IL1RAPL2: variants seen among roughly 807,000 people sequenced by gnomAD.
The protein encoded by IL1RAPL2 is interleukin 1 receptor accessory protein like 2.
A neutral mutation model predicts 44.1 loss-of-function variants in IL1RAPL2; 3 were observed. The observed-to-expected ratio is 0.07, with a 90% CI of 0.03 to 0.18. The LOEUF is 0.18. Among genes scored for constraint, IL1RAPL2 ranks in the 10% least tolerant of loss-of-function variants. IL1RAPL2 has a pLI of 1.00. For missense variants in IL1RAPL2, 391 were observed against 496.4 expected (o/e 0.79, Z 2.02); for synonymous variants, 181 against 178.8 (o/e 1.01, Z -0.10).
intron 6 of IL1RAPL2, among the ~76,000 whole-genome samples, chrX:105,644,290 A>AG: frequency 9.0e-6 from 1 of 111,632 alleles, no homozygotes; most frequent in East Asian, 2.8e-4. Flanking sequence ...GGCATTAGCA[A>AG]GGGGAAAAAG....
intron 2 of IL1RAPL2, among the ~76,000 whole-genome samples, chrX:105,121,923 A>T (rs1033553822): frequency 5.4e-5 from 6 of 110,827 alleles, no homozygotes; most frequent in African/African-American, 2.0e-4. Flanking sequence ...CCATTATCTT[A>T]ATGTTCTTGT....
At chrX:105,115,573 G>A (rs150187177) in intron 2 of IL1RAPL2, among the ~76,000 whole-genome samples, 1,335 of 112,256 alleles carry the variant, frequency 0.012, 49 homozygotes, top group East Asian at 0.12. Flanking sequence ...GCTGATTGGT[G>A]TATTTAAAAA....
At chrX:105,538,960 A>C (rs2147796307) in intron 6 of IL1RAPL2, among the ~76,000 whole-genome samples, 1 of 111,253 alleles carries the variant, frequency 9.0e-6, no homozygotes, top group South Asian at 3.8e-4. Context: ...AAAGAATAAA[A>C]TACCTAGGAA....
chrX:104,885,081 C>T (rs1239811944), intron 2 of IL1RAPL2, among the ~76,000 whole-genome samples: 1 of 111,866 alleles, frequency 8.9e-6, no homozygotes, highest in African/African-American at 3.3e-5. Flanking sequence ...CCTACAGGGT[C>T]TAGGGCAAAC....
At chrX:105,661,872 T>C (rs2037723043) in intron 6 of IL1RAPL2, among the ~76,000 whole-genome samples, 1 of 112,434 alleles carries the variant, frequency 8.9e-6, no homozygotes, top group African/African-American at 3.2e-5. Context: ...ATTTTTCATC[T>C]TTTCTTTCTT....
intron 2 of IL1RAPL2, among the ~76,000 whole-genome samples, chrX:105,031,790 A>T (rs756113654): frequency 4.9e-4 from 55 of 111,279 alleles, no homozygotes; most frequent in South Asian, 7.5e-4. Context: ...CCTCTTTTTC[A>T]ATTGATTGGA....
intron 4 of IL1RAPL2, among the ~76,000 whole-genome samples, chrX:105,251,716 T>C (rs2147647407): frequency 9.1e-6 from 1 of 109,981 alleles, no homozygotes; most frequent in African/African-American, 3.3e-5. Context: ...ACCATTAACA[T>C]GGATAAGTAA....
chrX:105,477,869 A>G (rs2036208392), intron 5 of IL1RAPL2, among the ~76,000 whole-genome samples: 1 of 112,178 alleles, frequency 8.9e-6, no homozygotes, highest in African/African-American at 3.2e-5. Context: ...GAAAGAGCCC[A>G]TGGAATGGTT....
At chrX:104,735,965 C>G in intron 2 of IL1RAPL2, among the ~76,000 whole-genome samples, 1 of 111,232 alleles carries the variant, frequency 9.0e-6, no homozygotes, top group Non-Finnish European at 1.9e-5. Context: ...TCTATCTAAG[C>G]TCTCATACCA....
intron 5 of IL1RAPL2, among the ~76,000 whole-genome samples, chrX:105,400,156 T>G (rs1468928900): frequency 9.0e-6 from 1 of 111,421 alleles, no homozygotes; most frequent in Non-Finnish European, 1.9e-5. Flanking sequence ...AAACATATCC[T>G]ACAACATTCT....
intron 6 of IL1RAPL2, among the ~76,000 whole-genome samples, chrX:105,634,031 G>C (rs887661166): frequency 2.7e-5 from 3 of 110,724 alleles, no homozygotes; most frequent in Admixed American, 9.6e-5. Context: ...ATCTTCTAAT[G>C]TTCTCCCTGA....
At chrX:104,935,845 C>T (rs1207549058) in intron 2 of IL1RAPL2, among the ~76,000 whole-genome samples, 2 of 111,374 alleles carry the variant, frequency 1.8e-5, no homozygotes, top group African/African-American at 6.5e-5. Context: ...ACTATTGTGA[C>T]AGGGCAAGAA....
Position 105,235,197 on chromosome X carries a change from G to A in IL1RAPL2, c.543+1193G>A, listed in dbSNP as rs373588185. ...TGAGCATAGAGTAGAGCAGACAAGC[G>A]TGGATAATTGGATCTAGGGGAAGAA... is the stretch of plus-strand genomic sequence containing the variant. On this transcript the variant is annotated intron_variant, in intron 4 of 10. Coordinates refer to ENST00000372582, the MANE Select transcript of IL1RAPL2 (RefSeq NM_017416.2). Among the ~76,000 whole-genome samples, 24 of 111,954 alleles carry A rather than the reference G, an allele frequency of 2.1e-4. No homozygotes were observed. The East Asian group carries it at 5.1e-3, about 24-fold the overall frequency.
At chrX:105,553,934 GA>G (rs1319028509) in intron 6 of IL1RAPL2, among the ~76,000 whole-genome samples, 1 of 112,756 alleles carries the variant, frequency 8.9e-6, no homozygotes, top group African/African-American at 3.2e-5. Context: ...TCCCAATTTT[GA>G]AAAGCATTAT....
chrX:104,700,031 C>T lies in IL1RAPL2; in HGVS notation c.82+41036C>T, dbSNP rs186404334. ...TCTGGCTGTAAGGGTGAAAGGAAAA[C>T]GCAGTCCCTGATTGGGTGGCTTTAT... On this transcript the variant is annotated intron_variant, in intron 2 of 10. Coordinates refer to ENST00000372582, the MANE Select transcript of IL1RAPL2 (RefSeq NM_017416.2). Among the ~76,000 whole-genome samples the T allele has an allele frequency of 5.4e-5, 6 of 111,881 alleles. No homozygotes were observed. The East Asian group carries it at 1.1e-3, about 21-fold the overall frequency.
chrX:104,646,689 C>A (rs1460522707), intron 1 of IL1RAPL2, among the ~76,000 whole-genome samples: 1 of 111,086 alleles, frequency 9.0e-6, no homozygotes, highest in Non-Finnish European at 1.9e-5. Flanking sequence ...GATGGAGCAA[C>A]CACCATCATA....
Position 105,486,908 on chromosome X carries a change from C to T in IL1RAPL2, c.772+2521C>T, listed in dbSNP as rs186175614. Among the ~76,000 whole-genome samples, 637 of 108,317 alleles carry T rather than the reference C, an allele frequency of 5.9e-3. 5 individuals carry two copies. Among genetic ancestry groups the T allele is most frequent in the African/African-American group, 0.02 (583 of 29,680 alleles). 94.1% of individuals were successfully genotyped at this position (108,317 alleles called of 115,157 possible). ...GAGATCGAGACCATCCTGATTAACA[C>T]GGTGAAACCCCGTCTCTACTAAAAA... On this transcript the variant is annotated intron_variant, in intron 6 of 10. Transcript: ENST00000372582.
chrX:105,217,224 C>T (rs2033869395), intron 3 of IL1RAPL2, among the ~76,000 whole-genome samples: 1 of 109,693 alleles, frequency 9.1e-6, no homozygotes, highest in Non-Finnish European at 1.9e-5. Flanking sequence ...GGCTAATATC[C>T]AGAATCTACA....
chrX:104,944,852 G>A (rs903526745), intron 2 of IL1RAPL2, among the ~76,000 whole-genome samples: 11 of 111,389 alleles, frequency 9.9e-5, no homozygotes, highest in Admixed American at 1.9e-4. Flanking sequence ...CAGGTTTCTG[G>A]GTCATAAAGA....
Sources: allele counts gnomAD v4.1 joint callset (sites outside exome capture counted in the v4.1 genomes callset), GRCh38; gene constraint gnomAD v4.1.1; transcripts MANE v1.5; gene names NCBI Gene and HGNC (gene_info 2026-07-23, HGNC 2026-07-21).